Variants in SH3PXD2A observed in about 807,000 individuals in gnomAD.
The protein encoded by SH3PXD2A is SH3 and PX domains 2A.
Under a neutral mutation model 115.2 loss-of-function variants are expected in SH3PXD2A, and 32 were observed. The ratio of observed to expected loss-of-function variants is 0.28; its 90% CI spans 0.21 to 0.37. The LOEUF (loss-of-function observed/expected upper bound fraction) is 0.37. Ranked by LOEUF, SH3PXD2A falls within the 10% of genes least tolerant of loss-of-function variation. SH3PXD2A has a pLI of 1.00. For missense variants in SH3PXD2A, 1,328 were observed against 1,498.7 expected (o/e 0.89, Z 1.88); for synonymous variants, 610 against 629.1 (o/e 0.97, Z 0.45).
intron 2 of SH3PXD2A, among the ~76,000 whole-genome samples, chr10:103,775,821 GA>G: frequency 6.6e-6 from 1 of 152,190 alleles, no homozygotes; most frequent in Non-Finnish European, 1.5e-5. Context: ...CCAGCAGTGT[GA>G]CGAGATGGAG....
At chr10:103,634,972 C>T (rs907054706) in intron 8 of SH3PXD2A, among the ~76,000 whole-genome samples, 8 of 152,078 alleles carry the variant, frequency 5.3e-5, no homozygotes, top group African/African-American at 1.2e-4. Flanking sequence ...TGGCGGTGGT[C>T]GTTAATCACT....
At chr10:103,701,284 T>C (rs2037898110) in intron 5 of SH3PXD2A, among the ~76,000 whole-genome samples, 3 of 133,048 alleles carry the variant, frequency 2.3e-5, no homozygotes, top group South Asian at 2.7e-4. Flanking sequence ...ATCTATCCAT[T>C]CATCCATCCA....
intron 4 of SH3PXD2A, among the ~76,000 whole-genome samples, chr10:103,729,893 G>A (rs2038293803): frequency 6.6e-6 from 1 of 152,124 alleles, no homozygotes; most frequent in Non-Finnish European, 1.5e-5. Context: ...GCCATGACAT[G>A]AGCCACCACT....
intron 8 of SH3PXD2A, among the ~76,000 whole-genome samples, chr10:103,639,415 T>G (rs1178265290): frequency 1.3e-5 from 2 of 151,648 alleles, no homozygotes; most frequent in Admixed American, 1.3e-4. Flanking sequence ...ATTGAGACCA[T>G]CCTGACCAAC....
At chr10:103,757,209 G>A (rs1014012234) in intron 3 of SH3PXD2A, among the ~76,000 whole-genome samples, 4 of 152,154 alleles carry the variant, frequency 2.6e-5, no homozygotes, top group Admixed American at 6.5e-5. Context: ...GAGTGTCACC[G>A]AGCCCTGAAA....
intron 4 of SH3PXD2A, among the ~76,000 whole-genome samples, chr10:103,735,377 T>C (rs966420445): frequency 9.9e-5 from 15 of 152,252 alleles, no homozygotes; most frequent in Admixed American, 5.2e-4. Flanking sequence ...ATAGTTCTTC[T>C]ATGTCCAGCA....
intron 8 of SH3PXD2A, among the ~76,000 whole-genome samples, chr10:103,645,392 C>T (rs1047723048): frequency 2.0e-5 from 3 of 152,228 alleles, no homozygotes; most frequent in Non-Finnish European, 4.4e-5. Flanking sequence ...ATGACTTCGA[C>T]CCACAGCAAG....
Position 103,735,169 on chromosome 10 carries a change from C to G in SH3PXD2A, c.306+563G>C, listed in dbSNP as rs72815798. 2.6e-3 allele frequency among the ~76,000 whole-genome samples: 391 copies of G among 152,370 alleles called. 1 individual carries two copies. Among genetic ancestry groups the G allele is most frequent in the Non-Finnish European group, 4.2e-3 (286 of 68,034 alleles). On this transcript the variant is annotated intron_variant, in intron 4 of 14. Transcript: ENST00000369774. ...TCAAAGACAGACAGGTGGGCTCTGG[C>G]TCATGACACTGCTGTCCTTCTCCTG... is the stretch of plus-strand genomic sequence containing the variant.
At chr10:103,837,389 C>T (rs757408450) in intron 1 of SH3PXD2A, among the ~76,000 whole-genome samples, 8 of 152,150 alleles carry the variant, frequency 5.3e-5, no homozygotes, top group South Asian at 4.1e-4. Flanking sequence ...TTCCTGAAGC[C>T]GACCCTAAGA....
chr10:103,718,760 GACAC>G (rs55844048), intron 5 of SH3PXD2A, among the ~76,000 whole-genome samples: 2,059 of 128,402 alleles, frequency 0.016, 20 homozygotes, highest in African/African-American at 0.035. Flanking sequence ...CCCCAATCAG[GACAC>G]ACACACACAC....
rs188827645 is a variant in SH3PXD2A at position 103,663,680 on chromosome 10, A to G, written c.473-2566T>C. 4.2e-3 allele frequency among the ~76,000 whole-genome samples: 642 copies of G among 152,358 alleles called. 18 individuals carry two copies. Among genetic ancestry groups the G allele is most frequent in the Admixed American group, 0.037 (573 of 15,304 alleles). On this transcript the variant is annotated intron_variant, in intron 7 of 14. Coordinates refer to ENST00000369774, the MANE Select transcript of SH3PXD2A (RefSeq NM_001394015.1). The stretch of plus-strand genomic sequence containing the variant: ...CCCAGGTGCAAGAAGCACTACTTAG[A>G]TCTTTGGGTCCTTCTGTAGGGGGAG...
intron 4 of SH3PXD2A, among the ~76,000 whole-genome samples, chr10:103,730,890 GATC>G (rs1005430958): frequency 3.3e-5 from 5 of 152,174 alleles, no homozygotes; most frequent in African/African-American, 1.2e-4. Context: ...TGGCAGGAGT[GATC>G]AGCTTTTCCT....
intron 5 of SH3PXD2A, among the ~76,000 whole-genome samples, chr10:103,705,668 C>T (rs1269712866): frequency 1.3e-5 from 2 of 152,150 alleles, no homozygotes; most frequent in East Asian, 1.9e-4. Flanking sequence ...ATCCTAACCA[C>T]CACACTGTTC....
chr10:103,801,568 T>G (rs10786768), intron 1 of SH3PXD2A, among the ~76,000 whole-genome samples: 1 of 131,664 alleles, frequency 7.6e-6, no homozygotes, highest in African/African-American at 3.0e-5. Flanking sequence ...CACACACACA[T>G]ACCCCTAGAG....
chr10:103,718,745 C>T (rs1190485208), intron 5 of SH3PXD2A, among the ~76,000 whole-genome samples: 1 of 149,522 alleles, frequency 6.7e-6, no homozygotes, highest in African/African-American at 2.5e-5. Flanking sequence ...TGCTCCCCTC[C>T]CTCCCCCCAA....
intron 4 of SH3PXD2A, among the ~76,000 whole-genome samples, chr10:103,725,492 G>T (rs2038229813): frequency 6.6e-6 from 1 of 152,100 alleles, no homozygotes; most frequent in African/African-American, 2.4e-5. Context: ...CCAGGCATGG[G>T]GAGAGTCTGC....
chr10:103,795,873 GGAGGGAGA>G (rs201147085), intron 2 of SH3PXD2A, among the ~76,000 whole-genome samples: 84 of 149,894 alleles, frequency 5.6e-4, no homozygotes, highest in Non-Finnish European at 9.6e-4. Context: ...AAGAAGGAAG[GGAGGGAGA>G]GAGGGAGAGA....
At chr10:103,831,929 T>C (rs935254361) in intron 1 of SH3PXD2A, among the ~76,000 whole-genome samples, 5 of 152,252 alleles carry the variant, frequency 3.3e-5, no homozygotes, top group African/African-American at 1.2e-4. Flanking sequence ...CTTTTGTGTC[T>C]GACTTCTTTC....
At chr10:103,628,020 T>C (rs930257705) in intron 8 of SH3PXD2A, among the ~76,000 whole-genome samples, 6 of 152,194 alleles carry the variant, frequency 3.9e-5, no homozygotes, top group Admixed American at 2.0e-4. Context: ...AGCTCAAGGC[T>C]TCTCCCCGGG....
Sources: gnomAD v4.1 joint callset for allele counts (sites outside exome capture counted in the v4.1 genomes callset) on GRCh38, gnomAD v4.1.1 for gene constraint, MANE v1.5 for transcripts, NCBI Gene and HGNC (gene_info 2026-07-23, HGNC 2026-07-21) for gene names.